The following ADAM12 variants were observed in gnomAD, a reference collection of about 807,000 sequenced individuals.
ADAM12 encodes disintegrin and metalloproteinase domain-containing protein 12.
Under a neutral mutation model 106.4 loss-of-function variants are expected in ADAM12, and 70 were observed. The observed-to-expected ratio is 0.66, with a 90% CI of 0.54 to 0.80. The LOEUF is 0.80. Among genes scored for constraint, ADAM12 ranks in the 30% least tolerant of loss-of-function variants. The probability of loss-of-function intolerance (pLI) is 0.00; values close to 1 mark genes in which losing one functional copy is unlikely to be tolerated. For synonymous variants in ADAM12, 420 were observed against 433.5 expected (o/e 0.97, Z 0.39); for missense variants, 1,010 against 1,171.9 (o/e 0.86, Z 2.02).
chr10:126,347,686 G>T (rs1855199484), intron 1 of ADAM12, among the ~76,000 whole-genome samples: 2 of 152,170 alleles, frequency 1.3e-5, no homozygotes, highest in African/African-American at 4.8e-5. Flanking sequence ...CTGAAATTGA[G>T]CCTTTTCATA....
At chr10:126,180,231 C>T (rs888426713) in intron 3 of ADAM12, among the ~76,000 whole-genome samples, 1 of 152,148 alleles carries the variant, frequency 6.6e-6, no homozygotes, top group Non-Finnish European at 1.5e-5. Flanking sequence ...GAAGGTCATC[C>T]GCTTAGTAAC....
At chr10:126,164,844 AG>A (rs1356085475) in intron 3 of ADAM12, among the ~76,000 whole-genome samples, 1 of 152,228 alleles carries the variant, frequency 6.6e-6, no homozygotes, top group African/African-American at 2.4e-5. Flanking sequence ...AAGATCAGAC[AG>A]TTGAAAGATT....
At chr10:126,202,801 C>T (rs1308985479) in intron 3 of ADAM12, among the ~76,000 whole-genome samples, 2 of 152,098 alleles carry the variant, frequency 1.3e-5, no homozygotes, top group Admixed American at 6.6e-5. Flanking sequence ...TATAAAGTCC[C>T]CAAATCACTG....
At chr10:126,083,159 T>A (rs1955264110) in intron 11 of ADAM12, among the ~76,000 whole-genome samples, 1 of 152,204 alleles carries the variant, frequency 6.6e-6, no homozygotes, top group South Asian at 2.1e-4. Context: ...GGAGCCACCA[T>A]TTGTTTAGTG....
intron 2 of ADAM12, among the ~76,000 whole-genome samples, chr10:126,296,555 C>T (rs953907509): frequency 2.0e-5 from 3 of 152,218 alleles, no homozygotes; most frequent in African/African-American, 4.8e-5. Context: ...AGCTGTTCTC[C>T]CTGCCACGTG....
chr10:126,051,481 C>A (rs1178593423), intron 14 of ADAM12, among the ~76,000 whole-genome samples: 3 of 151,224 alleles, frequency 2.0e-5, no homozygotes, highest in Non-Finnish European at 4.4e-5. Context: ...ATCCGTCCAG[C>A]CAGCCACCCG....
chr10:126,264,099 A>G (rs1959053553), intron 3 of ADAM12, among the ~76,000 whole-genome samples: 1 of 152,248 alleles, frequency 6.6e-6, no homozygotes, highest in African/African-American at 2.4e-5. Flanking sequence ...ATATGAATGT[A>G]CAATACCATC....
At chr10:126,322,581 C>T (rs113415359) in intron 2 of ADAM12, among the ~76,000 whole-genome samples, 37 of 152,320 alleles carry the variant, frequency 2.4e-4, no homozygotes, top group African/African-American at 8.9e-4. Context: ...AGCCCTGGGG[C>T]AGTGATAGGA....
intron 11 of ADAM12, among the ~76,000 whole-genome samples, chr10:126,084,186 C>T (rs1419993226): frequency 6.6e-6 from 1 of 152,198 alleles, no homozygotes; most frequent in Non-Finnish European, 1.5e-5. Context: ...TTAATAAAGT[C>T]ACCAACTGAG....
At position 126,287,417 on chromosome 10, in the gene ADAM12, A is replaced by C. The variant is rs556274902; in HGVS notation, c.187-8429T>G. 2.6e-5 allele frequency among the ~76,000 whole-genome samples: 4 copies of C among 152,278 alleles called. No individual in the cohort carries two copies. The South Asian group carries it at 8.3e-4, about 32-fold the overall frequency. The stretch of plus-strand genomic sequence containing the variant: ...TTAACACAGCTAAAATTCAGCTTTT[A>C]TTTGACCATCTCCCTCCATCACCCC... On this transcript the variant is annotated intron_variant, in intron 2 of 22. Transcript: ENST00000448723.
intron 3 of ADAM12, among the ~76,000 whole-genome samples, chr10:126,211,378 T>C (rs1281792227): frequency 1.3e-5 from 2 of 152,208 alleles, no homozygotes; most frequent in Non-Finnish European, 2.9e-5. Context: ...TTCACTTAAG[T>C]TCTTCTTTCA....
At chr10:126,198,091 G>C (rs1470915417) in intron 3 of ADAM12, among the ~76,000 whole-genome samples, 1 of 152,220 alleles carries the variant, frequency 6.6e-6, no homozygotes, top group East Asian at 1.9e-4. Context: ...CATGGGTTGG[G>C]GCTGGTGTTC....
At chr10:126,017,483 G>T in intron 22 of ADAM12, 144 bp from the exon 23 acceptor site, 2 of 716,324 alleles carry the variant, frequency 2.8e-6, no homozygotes, top group Admixed American at 3.1e-5. Flanking sequence ...ACGGGGGTGG[G>T]AAACCTGTCT....
chr10:126,130,581 C>T (rs1376640386), intron 5 of ADAM12, among the ~76,000 whole-genome samples: 1 of 152,182 alleles, frequency 6.6e-6, no homozygotes, highest in African/African-American at 2.4e-5. Context: ...CCTGGGGATG[C>T]GGGGTGGATG....
At chr10:126,248,677 GTATGTATGTATTTATT>G (rs1297700627) in intron 3 of ADAM12, among the ~76,000 whole-genome samples, 25 of 31,642 alleles carry the variant, frequency 7.9e-4, no homozygotes, top group African/African-American at 4.0e-3. Context: ...ATGTATGTAT[GTATGTATGTATTTATT>G]TATTTATTTA....
intron 4 of ADAM12, among the ~76,000 whole-genome samples, chr10:126,137,292 C>T (rs1565087090): frequency 6.6e-6 from 1 of 152,152 alleles, no homozygotes; most frequent in Non-Finnish European, 1.5e-5. Context: ...ATCCATTTGT[C>T]TGTTTCTGTG....
intron 2 of ADAM12, among the ~76,000 whole-genome samples, chr10:126,290,352 T>G (rs1960092664): frequency 6.6e-6 from 1 of 152,188 alleles, no homozygotes; most frequent in Non-Finnish European, 1.5e-5. Flanking sequence ...AATCCAACCA[T>G]GCCCACTGGG....
intron 11 of ADAM12, among the ~76,000 whole-genome samples, chr10:126,082,369 T>TTTTTTG (rs1554966455): frequency 1.1e-4 from 16 of 142,578 alleles, no homozygotes; most frequent in Non-Finnish European, 2.1e-4. Flanking sequence ...GACTGTTTTT[T>TTTTTTG]TTTTTTTTTT....
rs549920683 is a variant in ADAM12 at position 126,265,420 on chromosome 10, G to A, written c.260+13495C>T. On this transcript the variant is annotated intron_variant, in intron 3 of 22. Coordinates refer to ENST00000448723, the MANE Select transcript of ADAM12 (RefSeq NM_001288973.2). ...TAGGCACTGATTGTTAATGGCCACT[G>A]AACCTGGTGGGTGAAGTCTCAGGCA... 5.6e-3 allele frequency among the ~76,000 whole-genome samples: 857 copies of A among 152,308 alleles called. 5 individuals carry two copies. Among genetic ancestry groups the A allele is most frequent in the Middle Eastern group, 0.014 (4 of 294 alleles).
Sources: gnomAD v4.1 joint callset for allele counts (sites outside exome capture counted in the v4.1 genomes callset) on GRCh38, gnomAD v4.1.1 for gene constraint, MANE v1.5 for transcripts, NCBI Gene and HGNC (gene_info 2026-07-23, HGNC 2026-07-21) for gene names.